ZNF737: variants seen among roughly 807,000 people sequenced by gnomAD.
ZNF737 encodes the protein zinc finger protein 102 (Y3).
Under a neutral mutation model 11.7 loss-of-function variants are expected in ZNF737, and 13 were observed. The observed-to-expected ratio is 1.11, with a 90% CI of 0.73 to 1.77. ZNF737 has a LOEUF of 1.77. ZNF737 is among the 40% of genes most tolerant of loss of function. The pLI, the probability that ZNF737 is intolerant of heterozygous loss-of-function variation, is 0.00. For synonymous variants in ZNF737, 217 were observed against 216.2 expected, an observed-to-expected ratio of 1.00 and a Z score of -0.03; for missense variants, 636 against 638.0, an observed-to-expected ratio of 1.00 and a Z score of 0.03.
intron 3 of ZNF737, among the ~76,000 whole-genome samples, chr19:20,547,023 T>TA (rs1555757200): frequency 1.3e-5 from 2 of 152,142 alleles, no homozygotes; most frequent in Non-Finnish European, 2.9e-5. Flanking sequence ...CTCTACAACA[T>TA]ATTCTTGCTC....
Position 20,543,252 on chromosome 19 carries a change from A to G in ZNF737, c.*1340T>C, listed in dbSNP as rs1257792773. Reference sequence around the variant, plus strand: ...TAATACATTTGTAGGACTCATCTCCAATATAAATTCCCTGATGTTGAACAA... The same window carrying G: ...TAATACATTTGTAGGACTCATCTCCGATATAAATTCCCTGATGTTGAACAA... On this transcript the variant is annotated 3_prime_UTR_variant, in exon 4 of 4. Coordinates refer to ENST00000427401, the MANE Select transcript of ZNF737 (RefSeq NM_001159293.2). 6.1e-6 allele frequency: 6 copies of G among 985,318 alleles called. No individual in the cohort carries two copies. The highest frequency in any genetic ancestry group is 7.2e-6 in the Non-Finnish European group (6 of 829,932). The allele number at this position is 985,318 out of a possible 1,614,324, so 61.0% of individuals were successfully genotyped here. A position where few individuals can be genotyped will look rare whatever the true frequency, so the allele number is the denominator to read the frequency against.
chr19:20,535,887 A>C (rs1164971740), downstream of ZNF737: 1 of 165,192 alleles, frequency 6.1e-6, no homozygotes, highest in Non-Finnish European at 1.2e-5. Flanking sequence ...TCATAGAAGC[A>C]GATGGTACAA....
chr19:20,540,786 C>G lies in ZNF737; in HGVS notation c.*3806G>C. ...AAAAAAAAAAAGAGTCTTTCTGCTG[C>G]TTTTGTTATCTACATAAACAAAGAT... is the stretch of plus-strand genomic sequence containing the variant. On this transcript the variant is annotated 3_prime_UTR_variant, in exon 4 of 4. Transcript: ENST00000427401. The G allele has an allele frequency of 1.1e-6, 1 of 901,182 alleles. No individual in the cohort carries two copies. Among genetic ancestry groups the G allele is most frequent in the Non-Finnish European group, 1.3e-6 (1 of 753,478 alleles). The allele number at this position is 901,182 out of a possible 1,614,324, so 55.8% of individuals were successfully genotyped here.
rs563315169 is a variant in ZNF737, at chr19:20,538,824, T to C, written c.*5768A>G. ...ATAATTACCAACTTTAGTCATACTA[T>C]TTTTTAGCAACTAATGGCATCTGTT... On this transcript the variant is annotated 3_prime_UTR_variant, in exon 4 of 4. Coordinates refer to ENST00000427401, the MANE Select transcript of ZNF737 (RefSeq NM_001159293.2). 6 of 985,230 alleles carry C rather than the reference T, an allele frequency of 6.1e-6. No homozygotes were observed. The highest frequency in any genetic ancestry group is 1.2e-6 in the Non-Finnish European group (1 of 829,856). The allele number at this position is 985,230 out of a possible 1,614,324, so 61.0% of individuals were successfully genotyped here. A position where few individuals can be genotyped will look rare whatever the true frequency, so the allele number is the denominator to read the frequency against.
chr19:20,535,959 G>A (rs930300512), downstream of ZNF737: 14 of 544,150 alleles, frequency 2.6e-5, no homozygotes, highest in African/African-American at 4.1e-5. Context: ...GCTTCTTCAG[G>A]ATTTTTCAGG....
At chr19:20,536,447 C>T (rs2122455654), downstream of ZNF737, among the ~76,000 whole-genome samples, 2 of 152,204 alleles carry the variant, frequency 1.3e-5, 1 homozygote, top group South Asian at 4.2e-4. Flanking sequence ...ATTTCAATGC[C>T]TCCTTCACTT....
In ZNF737 at chr19:20,565,695, C is replaced by T; in HGVS notation, c.-55G>A. The T allele has an allele frequency of 1.2e-6, 2 of 1,613,342 alleles. No individual in the cohort carries two copies. Among genetic ancestry groups the T allele is most frequent in the South Asian group, 2.2e-5 (2 of 91,062 alleles). On this transcript the variant is annotated 5_prime_UTR_variant, in exon 1 of 4. Coordinates refer to ENST00000427401, the MANE Select transcript of ZNF737 (RefSeq NM_001159293.2). The stretch of plus-strand genomic sequence containing the variant: ...TTAGCTGTGGATCTCCCAATACCTG[C>T]AGGACACAGGGCCACAGAGGCTGGG...
rs191914871 is a variant in ZNF737 at position 20,539,501 on chromosome 19, G to A, written c.*5091C>T. 3,848 of 985,318 alleles carry A rather than the reference G, an allele frequency of 3.9e-3. 11 individuals are homozygous for A. The highest frequency in any genetic ancestry group is 4.4e-3 in the Admixed American group (72 of 16,268). 61.0% of individuals were successfully genotyped at this position (985,318 alleles called of 1,614,324 possible). A position where few individuals can be genotyped will look rare whatever the true frequency, so the allele number is the denominator to read the frequency against. Reference sequence around the variant, plus strand: ...TATGCGAAGCCATTGAAAAAATGTGGTCTTGGTAAATTTTATTCCATTTCA... The same window carrying A: ...TATGCGAAGCCATTGAAAAAATGTGATCTTGGTAAATTTTATTCCATTTCA... On this transcript the variant is annotated 3_prime_UTR_variant, in exon 4 of 4. Coordinates refer to ENST00000427401, the MANE Select transcript of ZNF737 (RefSeq NM_001159293.2).
chr19:20,554,200 T>C lies in ZNF737; in HGVS notation c.4-365A>G, dbSNP rs979614227. Among the ~76,000 whole-genome samples, 16 of 152,342 alleles carry C rather than the reference T, an allele frequency of 1.1e-4. 1 individual carries two copies. In the South Asian group the frequency reaches 1.9e-3, roughly 18 times the overall value. On this transcript the variant is annotated intron_variant, in intron 1 of 3. Transcript: ENST00000427401. ...AGAAGGCACCTCTAAAATTTAAATA[T>C]ATACAATAAGTTGAAGACCTTGTTA...
In ZNF737 at chr19:20,540,288, T is replaced by A. The variant is rs1161656806; in HGVS notation, c.*4304A>T. ...ATTAAGTTTAGCACAATCAGGATAA[T>A]CTCCATTTTGATAAACACAAAGTCT... On this transcript the variant is annotated 3_prime_UTR_variant, in exon 4 of 4. Coordinates refer to ENST00000427401, the MANE Select transcript of ZNF737 (RefSeq NM_001159293.2). The A allele has an allele frequency of 3.0e-6, 1 of 330,716 alleles. No individual in the cohort carries two copies. The highest frequency in any genetic ancestry group is 2.2e-5 in the African/African-American group (1 of 44,532). The allele number at this position is 330,716 out of a possible 1,614,324, so 20.5% of individuals were successfully genotyped here.
Position 20,545,634 on chromosome 19 carries a change from G to A in ZNF737, c.569C>T (p.Thr190Ile). The change falls in exon 4 of 4, where the codon ACA becomes ATA. Residue 190 changes from threonine to isoleucine, a missense_variant. Coordinates refer to ENST00000427401, the MANE Select transcript of ZNF737 (RefSeq NM_001159293.2). ...CTCCCCAGTATGAATTTTCTTATGTGTAGTAAGGGTTGAAGACTGGTTAAA... is the reference window on the plus strand; with the variant it reads ...CTCCCCAGTATGAATTTTCTTATGTATAGTAAGGGTTGAAGACTGGTTAAA... ...KAFNQSSTLT[T>I]HKKIHTGEKP... 2 of 1,614,016 alleles carry A rather than the reference G, an allele frequency of 1.2e-6. No homozygotes were observed. The highest frequency in any genetic ancestry group is 1.7e-6 in the Non-Finnish European group (2 of 1,179,962).
At chr19:20,562,352 T>TG (rs1231287241) in intron 1 of ZNF737, among the ~76,000 whole-genome samples, 12 of 150,704 alleles carry the variant, frequency 8.0e-5, no homozygotes, top group Non-Finnish European at 1.5e-4. Flanking sequence ...TTTTTTTTTT[T>TG]TTTTTTGAAA....
chr19:20,560,219 C>T (rs1245996350), intron 1 of ZNF737, among the ~76,000 whole-genome samples: 4 of 150,918 alleles, frequency 2.7e-5, no homozygotes, highest in East Asian at 1.9e-4. Context: ...TGGTAATGCC[C>T]GCGTGTAGTC....
rs1490440866 is a variant in ZNF737 at position 20,538,975 on chromosome 19, G to T, written c.*5617C>A. On this transcript the variant is annotated 3_prime_UTR_variant, in exon 4 of 4. Transcript: ENST00000427401. ...AGCAAATCAGAGAAGAGCAATGTGT[G>T]TACATAATGTGCATTTTCCTGCCTA... is the stretch of plus-strand genomic sequence containing the variant. 1.0e-6 allele frequency: 1 copy of T among 985,234 alleles called. No homozygotes were observed. Among genetic ancestry groups the T allele is most frequent in the Non-Finnish European group, 1.2e-6 (1 of 829,916 alleles). 61.0% of individuals were successfully genotyped at this position (985,234 alleles called of 1,614,324 possible). A position where few individuals can be genotyped will look rare whatever the true frequency, so the allele number is the denominator to read the frequency against.
chr19:20,548,111 T>G (rs1328027086), intron 3 of ZNF737, among the ~76,000 whole-genome samples: 1 of 151,926 alleles, frequency 6.6e-6, no homozygotes, highest in Non-Finnish European at 1.5e-5. Flanking sequence ...CACTGTACTT[T>G]AGCCTGGGCA....
chr19:20,549,042 T>A (rs369907930), intron 3 of ZNF737, among the ~76,000 whole-genome samples: 1 of 137,212 alleles, frequency 7.3e-6, no homozygotes, highest in African/African-American at 2.8e-5. Flanking sequence ...CAAAAGCAAA[T>A]ATATATTCAT....
intron 1 of ZNF737, among the ~76,000 whole-genome samples, chr19:20,561,516 TCA>T (rs1969095747): frequency 6.6e-6 from 1 of 152,088 alleles, no homozygotes; most frequent in Non-Finnish European, 1.5e-5. Flanking sequence ...AGACCTGGAA[TCA>T]CAGGACAATG....
Position 20,541,363 on chromosome 19 carries a change from G to A in ZNF737, c.*3229C>T, listed in dbSNP as rs1333190676. The A allele has an allele frequency of 1.0e-6, 1 of 983,950 alleles. No individual in the cohort carries two copies. The highest frequency in any genetic ancestry group is 1.1e-4 in the East Asian group (1 of 8,818). 61.0% of individuals were successfully genotyped at this position (983,950 alleles called of 1,614,324 possible). A position where few individuals can be genotyped will look rare whatever the true frequency, so the allele number is the denominator to read the frequency against. ...GTAAATTAAAACTAAAAGTCTATGTGTTTGCAGGCAGAGACCACATGTTCA... is the reference window on the plus strand; with the variant it reads ...GTAAATTAAAACTAAAAGTCTATGTATTTGCAGGCAGAGACCACATGTTCA... On this transcript the variant is annotated 3_prime_UTR_variant, in exon 4 of 4. Transcript: ENST00000427401.
chr19:20,557,277 G>C (rs1968922092), intron 1 of ZNF737, among the ~76,000 whole-genome samples: 1 of 152,062 alleles, frequency 6.6e-6, no homozygotes, highest in Non-Finnish European at 1.5e-5. Flanking sequence ...ACCAGCTCTA[G>C]AAAGGCAGCA....
Sources: gnomAD v4.1 joint callset for allele counts (sites outside exome capture counted in the v4.1 genomes callset) on GRCh38, gnomAD v4.1.1 for gene constraint, MANE v1.5 for transcripts, NCBI Gene and HGNC (gene_info 2026-07-23, HGNC 2026-07-21) for gene names.